The following HDLBP variants were observed in gnomAD, a reference collection of about 807,000 sequenced individuals.
The protein encoded by HDLBP is vigilin.
A neutral mutation model predicts 137.3 loss-of-function variants in HDLBP; 30 were observed. That is an observed-to-expected ratio of 0.22 (90% confidence interval 0.16 to 0.30). The LOEUF is 0.30. Among genes scored for constraint, HDLBP ranks in the 10% least tolerant of loss-of-function variants. HDLBP has a pLI of 1.00. For synonymous variants in HDLBP, 606 were observed against 596.0 expected, an observed-to-expected ratio of 1.02 and a Z score of -0.24; for missense variants, 1,119 against 1,667.3, an observed-to-expected ratio of 0.67 and a Z score of 5.73.
rs151054375 is a variant in HDLBP at position 241,256,460 on chromosome 2, G to A, written c.658-61C>T. 236 of 1,524,258 alleles carry A rather than the reference G, an allele frequency of 1.5e-4. 1 individual carries two copies. In the East Asian group the frequency reaches 5.3e-3, roughly 34 times the overall value. 94.4% of individuals were successfully genotyped at this position (1,524,258 alleles called of 1,614,324 possible). ...TTTGAAAACAAACTGGGGACAGACA[G>A]GGCTTTTTAGAGTTGGAGTCAAGCC... is the stretch of plus-strand genomic sequence containing the variant. On this transcript the variant is annotated intron_variant, in intron 6 of 27. Coordinates refer to ENST00000310931, the MANE Select transcript of HDLBP (RefSeq NM_005336.6).
In HDLBP at chr2:241,283,083, G is replaced by T. The variant is rs538283440; in HGVS notation, c.-102-14542C>A. On this transcript the variant is annotated intron_variant, in intron 1 of 27. Coordinates refer to ENST00000310931, the MANE Select transcript of HDLBP (RefSeq NM_005336.6). ...TGCTACTCCAGTGAACACATAAATG[G>T]TAAGAGAGCGAAACAGCCTTATCGC... Among the ~76,000 whole-genome samples the T allele has an allele frequency of 2.6e-5, 4 of 152,310 alleles. No homozygotes were observed. In the East Asian group the frequency reaches 7.7e-4, roughly 29 times the overall value.
At chr2:241,281,818 AACTTC>A (rs1352577705) in intron 1 of HDLBP, among the ~76,000 whole-genome samples, 1 of 152,236 alleles carries the variant, frequency 6.6e-6, no homozygotes, top group Non-Finnish European at 1.5e-5. Flanking sequence ...TATTAAAATT[AACTTC>A]ACTTGTTTAT....
chr2:241,249,753 G>A, intron 12 of HDLBP, 88 bp downstream of exon 12: 1 of 1,316,926 alleles, frequency 7.6e-7, no homozygotes. Flanking sequence ...CATTCTCTAA[G>A]GCCGCACACC....
intron 2 of HDLBP, 99 bp from the exon 3 acceptor site, chr2:241,267,005 T>C (rs2073723278): frequency 4.6e-6 from 4 of 863,118 alleles, no homozygotes; most frequent in Non-Finnish European, 7.7e-6. Flanking sequence ...CTCTCTTTTT[T>C]ACCAGCAAAC....
chr2:241,264,398 A>G (rs2073487310), intron 4 of HDLBP, 50 bp downstream of exon 4: 2 of 1,347,452 alleles, frequency 1.5e-6, no homozygotes, highest in East Asian at 4.7e-5. Flanking sequence ...AAAAATTTAC[A>G]TAGACATGTT....
chr2:241,296,985 C>G (rs960193881), intron 1 of HDLBP, among the ~76,000 whole-genome samples: 1 of 152,256 alleles, frequency 6.6e-6, no homozygotes, highest in Admixed American at 6.5e-5. Context: ...GACAAGGACA[C>G]CACACAGTAA....
At chr2:241,279,744 C>T (rs12470502) in intron 1 of HDLBP, among the ~76,000 whole-genome samples, 5,080 of 152,260 alleles carry the variant, frequency 0.033, 510 homozygotes, top group Admixed American at 0.19. Context: ...ACTCCACGAG[C>T]GAACGATCCC....
intron 16 of HDLBP, among the ~76,000 whole-genome samples, chr2:241,244,775 T>C (rs2071534679): frequency 6.6e-6 from 1 of 152,238 alleles, no homozygotes; most frequent in African/African-American, 2.4e-5. Flanking sequence ...CATACATTTT[T>C]TCATATTATT....
intron 21 of HDLBP, chr2:241,236,238 C>A (rs1460862804): frequency 1.1e-5 from 3 of 275,570 alleles, no homozygotes; most frequent in Non-Finnish European, 2.1e-5. Flanking sequence ...TCGACACTGA[C>A]TGCACACAAG....
intron 1 of HDLBP, chr2:241,315,184 C>A (rs923388861): frequency 5.3e-5 from 8 of 152,348 alleles, no homozygotes; most frequent in Middle Eastern, 3.4e-3. Context: ...CCAGCCCGGG[C>A]ACAGGAAGGC....
At chr2:241,255,875 AAGCTG>A (rs1456515348) in intron 7 of HDLBP, among the ~76,000 whole-genome samples, 2 of 152,254 alleles carry the variant, frequency 1.3e-5, no homozygotes, top group African/African-American at 2.4e-5. Flanking sequence ...AAAGTTCACT[AAGCTG>A]AGCTAACAGC....
In HDLBP at chr2:241,297,022, G is replaced by A. The variant is rs547641447; in HGVS notation, c.-103+18548C>T. On this transcript the variant is annotated intron_variant, in intron 1 of 27. Transcript: ENST00000310931. ...GCGCTGTTACCAACAAGAATCCAACGGCTCACGTATCAGTCTGGAAAAAGC... is the reference window on the plus strand; with the variant it reads ...GCGCTGTTACCAACAAGAATCCAACAGCTCACGTATCAGTCTGGAAAAAGC... Among the ~76,000 whole-genome samples, 7 of 152,356 alleles carry A rather than the reference G, an allele frequency of 4.6e-5. No homozygotes were observed. In the East Asian group the frequency reaches 9.6e-4, roughly 21 times the overall value.
intron 22 of HDLBP, 61 bp downstream of exon 22, chr2:241,235,429 C>A: frequency 6.8e-7 from 1 of 1,464,220 alleles, no homozygotes; most frequent in Non-Finnish European, 9.6e-7. Flanking sequence ...AGGACACTGG[C>A]ACTCGGGAGA....
chr2:241,277,209 T>G (rs1310972792), intron 1 of HDLBP, among the ~76,000 whole-genome samples: 5 of 152,126 alleles, frequency 3.3e-5, no homozygotes, highest in Non-Finnish European at 5.9e-5. Context: ...GATTGTTGCT[T>G]AAAGCCTTGT....
intron 2 of HDLBP, 27 bp from the exon 3 acceptor site, chr2:241,266,933 G>A (rs2149544379): frequency 1.3e-6 from 2 of 1,503,426 alleles, no homozygotes; most frequent in East Asian, 2.3e-5. Context: ...TAAATCAGAA[G>A]TCAAAGTACA....
At chr2:241,309,130 G>A (rs2075682117) in intron 1 of HDLBP, among the ~76,000 whole-genome samples, 1 of 152,088 alleles carries the variant, frequency 6.6e-6, no homozygotes, top group East Asian at 1.9e-4. Context: ...AATCAGCAAG[G>A]CCTCCCCACT....
chr2:241,272,316 G>A lies in HDLBP; in HGVS notation c.-102-3775C>T, dbSNP rs2074132258. On this transcript the variant is annotated intron_variant, in intron 1 of 27. Coordinates refer to ENST00000310931, the MANE Select transcript of HDLBP (RefSeq NM_005336.6). The surrounding 1 kb of genome is among the most constrained non-coding windows in gnomAD (Gnocchi z 5.6). ...CACCCTGGCCGCACACGGCGCCCCC[G>A]CCGGAGCGGGGGAGGGGAGGGCCGG... is the stretch of plus-strand genomic sequence containing the variant. The A allele has an allele frequency of 1.2e-5, 12 of 983,336 alleles. No homozygotes were observed. The highest frequency in any genetic ancestry group is 4.7e-5 in the South Asian group (1 of 21,244). 60.9% of individuals were successfully genotyped at this position (983,336 alleles called of 1,614,324 possible).
rs2071835604 is a variant in HDLBP, at chr2:241,248,247, T to G, written c.1614A>C (p.Pro538=). The change falls in exon 13 of 28, where the codon CCA becomes CCC. Residue 538 remains proline, a synonymous_variant. Transcript: ENST00000310931. ...GAATGTCTCTGGGAAACTTTACCTC[T>G]GGGAATTTGTCACGAATTTCACGGA... ...ERIREIRDKF[P]EVIINFPDPA... 1.2e-6 allele frequency: 2 copies of G among 1,612,182 alleles called. No individual in the cohort carries two copies. Among genetic ancestry groups the G allele is most frequent in the African/African-American group, 2.7e-5 (2 of 74,904 alleles).
intron 1 of HDLBP, among the ~76,000 whole-genome samples, chr2:241,311,510 G>C (rs2075757616): frequency 6.6e-6 from 1 of 152,198 alleles, no homozygotes; most frequent in Non-Finnish European, 1.5e-5. Flanking sequence ...GCACAGACAA[G>C]CCTGCAGCAG....
Sources: allele counts gnomAD v4.1 joint callset (sites outside exome capture counted in the v4.1 genomes callset), GRCh38; gene constraint gnomAD v4.1.1; non-coding constraint Gnocchi (gnomAD v3.1); transcripts MANE v1.5; gene names NCBI Gene and HGNC (gene_info 2026-07-23, HGNC 2026-07-21).